MCAT: variants seen among roughly 807,000 people sequenced by gnomAD.
The protein encoded by MCAT is malonyl-CoA-acyl carrier protein transacylase, mitochondrial.
In MCAT, 22 loss-of-function variants were observed where a neutral mutation model predicts 22.9. The ratio of observed to expected loss-of-function variants is 0.96; its 90% CI spans 0.69 to 1.37. The LOEUF (loss-of-function observed/expected upper bound fraction) is 1.37. Ranked by LOEUF, MCAT falls within the 40% of genes most tolerant of loss-of-function variation. MCAT has a pLI of 0.00. For missense variants in MCAT, 534 were observed against 533.6 expected, an observed-to-expected ratio of 1.00 and a Z score of -0.01; for synonymous variants, 240 against 233.9, an observed-to-expected ratio of 1.03 and a Z score of -0.24.
At chr22:43,140,893 G>C (rs1476689575) in intron 2 of MCAT, 1 of 437,980 alleles carries the variant, frequency 2.3e-6, no homozygotes, top group Admixed American at 3.5e-5. Context: ...CGTGTTGCAG[G>C]TGCTGCAGGT....
chr22:43,142,659 G>T (rs1180275599), intron 1 of MCAT, among the ~76,000 whole-genome samples: 1 of 151,422 alleles, frequency 6.6e-6, no homozygotes, highest in South Asian at 2.1e-4. Context: ...GGTGGCGGGC[G>T]CCTGTAGTCC....
intron 3 of MCAT, among the ~76,000 whole-genome samples, chr22:43,134,620 C>T (rs1229517634): frequency 6.6e-6 from 1 of 152,194 alleles, no homozygotes; most frequent in Non-Finnish European, 1.5e-5. Flanking sequence ...AGAGACTGTT[C>T]CTGTTGCCTG....
At chr22:43,133,806 TC>T (rs1472972982) in intron 3 of MCAT, among the ~76,000 whole-genome samples, 1 of 147,504 alleles carries the variant, frequency 6.8e-6, no homozygotes, top group East Asian at 1.9e-4. Context: ...CAATGAGAAT[TC>T]TTTTTTTTTT....
At chr22:43,142,612 C>G (rs1930800364) in intron 1 of MCAT, among the ~76,000 whole-genome samples, 2 of 150,830 alleles carry the variant, frequency 1.3e-5, no homozygotes, top group East Asian at 2.0e-4. Flanking sequence ...CGATGAAACC[C>G]CGTCTCTACT....
rs375149955 is a variant in MCAT at position 43,141,657 on chromosome 22, C to T, written c.424-408G>A. Among the ~76,000 whole-genome samples the T allele has an allele frequency of 1.4e-4, 22 of 152,168 alleles. 1 individual carries two copies. The highest frequency in any genetic ancestry group is 4.3e-4 in the African/African-American group (18 of 41,524). The stretch of plus-strand genomic sequence containing the variant: ...CGTGATCTCGGCTCACTGCAACGTC[C>T]GCCTCCCGGGTTCAAGCAATTCTCC... On this transcript the variant is annotated intron_variant, in intron 1 of 3. Coordinates refer to ENST00000290429, the MANE Select transcript of MCAT (RefSeq NM_173467.5).
At position 43,137,215 on chromosome 22, in the gene MCAT, G is replaced by A. The variant is rs200424075; in HGVS notation, c.595C>T (p.Gln199Ter). ...VPSGMLSVLG[Q>*]PQSKFNFACL... is the part of the protein sequence containing the mutation. ...GCGAAGTTGAACTTGGACTGAGGCT[G>A]GCCGAGGACAGACAGCATCCCACTG... Residue 199 changes from glutamine (Q) to a stop codon, truncating the protein, a stop_gained, in exon 3 of 4, where the codon CAG (glutamine) becomes TAG (stop). Coordinates refer to ENST00000290429, the MANE Select transcript of MCAT (RefSeq NM_173467.5). LOFTEE classifies it high-confidence loss of function. 43 of 1,614,194 alleles carry A rather than the reference G, an allele frequency of 2.7e-5. No individual in the cohort carries two copies. Among genetic ancestry groups the A allele is most frequent in the Non-Finnish European group, 3.6e-5 (43 of 1,180,038 alleles).
rs1224254287 is a variant in MCAT, at chr22:43,132,596, G to A, written c.*447C>T. On this transcript the variant is annotated 3_prime_UTR_variant, in exon 4 of 4. Coordinates refer to ENST00000290429, the MANE Select transcript of MCAT (RefSeq NM_173467.5). ...GGGTTCTAAAACCTTTCAGATTTGTGACAAAGGAGCCCTGGGGGGCAGGCT... is the reference window on the plus strand; with the variant it reads ...GGGTTCTAAAACCTTTCAGATTTGTAACAAAGGAGCCCTGGGGGGCAGGCT... The A allele has an allele frequency of 5.8e-6, 1 of 171,462 alleles. No homozygotes were observed. The highest frequency in any genetic ancestry group is 1.5e-4 in the East Asian group (1 of 6,524). The allele number at this position is 171,462 out of a possible 1,614,324, so 10.6% of individuals were successfully genotyped here. A position where few individuals can be genotyped will look rare whatever the true frequency, so the allele number is the denominator to read the frequency against.
intron 2 of MCAT, 92 bp downstream of exon 2, chr22:43,141,070 C>T: frequency 2.1e-6 from 2 of 968,100 alleles, no homozygotes; most frequent in Non-Finnish European, 3.4e-6. Context: ...TTCCCATCAC[C>T]TGAGTGGGTC....
rs773912004 is a variant in MCAT, at chr22:43,133,049, CG to C, written c.1166del (p.Pro389ArgfsTer21). 4 of 1,613,040 alleles carry C rather than the reference CG, an allele frequency of 2.5e-6. No homozygotes were observed. The highest frequency in any genetic ancestry group is 3.4e-6 in the Non-Finnish European group (4 of 1,179,248). ...GCATTTGAGCCCCCTGCAGTCATCT[CG>C]GGGGCTCCTGAGGGTCCAGGTCCAC... is the stretch of plus-strand genomic sequence containing the variant. ...EHVDLDPQEP[P>X]R On this transcript the variant is annotated frameshift_variant, in exon 4 of 4. Coordinates refer to ENST00000290429, the MANE Select transcript of MCAT (RefSeq NM_173467.5). LOFTEE classifies it high-confidence loss of function.
At position 43,141,187 on chromosome 22, in the gene MCAT, A is replaced by C. The variant is rs747887904; in HGVS notation, c.486T>G (p.Phe162Leu). Reference protein sequence around the residue: ...FSVGEFAALVFAGAMEFAEGL... With the variant: ...FSVGEFAALVLAGAMEFAEGL... ...CTTCAGCAAATTCCATGGCTCCGGC[A>C]AACACTAGGGCTGCAAACTCTCCCA... Residue 162 changes from phenylalanine (F) to leucine (L), a missense_variant, in exon 2 of 4, where the codon TTT becomes TTG. Physicochemically the swap from Phe to Leu is conservative, Grantham distance 22 (BLOSUM62 0). Coordinates refer to ENST00000290429, the MANE Select transcript of MCAT (RefSeq NM_173467.5). 9 of 1,614,162 alleles carry C rather than the reference A, an allele frequency of 5.6e-6. No individual in the cohort carries two copies. Among genetic ancestry groups the C allele is most frequent in the Non-Finnish European group, 6.8e-6 (8 of 1,180,028 alleles).
intron 3 of MCAT, among the ~76,000 whole-genome samples, chr22:43,136,720 G>C (rs891826296): frequency 5.9e-5 from 9 of 152,368 alleles, no homozygotes; most frequent in African/African-American, 2.2e-4. Context: ...AGGGCAGGCA[G>C]AGCAATCTAG....
At position 43,137,270 on chromosome 22, in the gene MCAT, C is replaced by G. The variant is rs907179515; in HGVS notation, c.540G>C (p.Glu180Asp). The G allele has an allele frequency of 1.2e-6, 2 of 1,614,104 alleles. No homozygotes were observed. Among genetic ancestry groups the G allele is most frequent in the African/African-American group, 2.7e-5 (2 of 75,070 alleles). Residue 180 changes from glutamate (E) to aspartate (D), a missense_variant, in exon 3 of 4, where the codon GAG becomes GAC. Physicochemically the swap from Glu to Asp is conservative, Grantham distance 45 (BLOSUM62 2). Coordinates refer to ENST00000290429, the MANE Select transcript of MCAT (RefSeq NM_173467.5). The part of the protein sequence containing the change: ...EGLYAVKIRA[E>D]AMQEASEAVP... ...CAGCTTCTGAAGCTTCCTGCATGGCCTCAGCTCGGATTTTCACTGCATACA... is the reference window on the plus strand; with the variant it reads ...CAGCTTCTGAAGCTTCCTGCATGGCGTCAGCTCGGATTTTCACTGCATACA...
Position 43,132,795 on chromosome 22 carries a change from C to T in MCAT, c.*248G>A. ...AGGCGGGGCCAGGATTCTAGCTTCC[C>T]CACACACCAGCCCTGTGGCATCATT... On this transcript the variant is annotated 3_prime_UTR_variant, in exon 4 of 4. Coordinates refer to ENST00000290429, the MANE Select transcript of MCAT (RefSeq NM_173467.5). 3 of 515,548 alleles carry T rather than the reference C, an allele frequency of 5.8e-6. No homozygotes were observed. Among genetic ancestry groups the T allele is most frequent in the Non-Finnish European group, 1.1e-5 (3 of 285,328 alleles). The allele number at this position is 515,548 out of a possible 1,614,324, so 31.9% of individuals were successfully genotyped here.
At chr22:43,135,191 G>C (rs1417752649) in intron 3 of MCAT, among the ~76,000 whole-genome samples, 1 of 152,196 alleles carries the variant, frequency 6.6e-6, no homozygotes, top group Non-Finnish European at 1.5e-5. Context: ...TGAGCTCTTT[G>C]CTGTGGCACT....
chr22:43,134,802 C>A (rs1168697752), intron 3 of MCAT, among the ~76,000 whole-genome samples: 1 of 152,232 alleles, frequency 6.6e-6, no homozygotes, highest in East Asian at 1.9e-4. Context: ...TGGCTCCATC[C>A]CACTGAGGCT....
chr22:43,142,504 G>A (rs917099994), intron 1 of MCAT, among the ~76,000 whole-genome samples: 6 of 147,860 alleles, frequency 4.1e-5, no homozygotes, highest in African/African-American at 1.3e-4. Flanking sequence ...AAAACAAAAC[G>A]GGCCGGGCAC....
Position 43,137,228 on chromosome 22 carries a change from C to T in MCAT, c.582G>A (p.Leu194=), listed in dbSNP as rs773903738. The change falls in exon 3 of 4, where the codon CTG becomes CTA. Residue 194 remains leucine, a synonymous_variant. Coordinates refer to ENST00000290429, the MANE Select transcript of MCAT (RefSeq NM_173467.5). ...EASEAVPSGM[L]SVLGQPQSKF... Reference sequence around the variant, plus strand: ...TGGACTGAGGCTGGCCGAGGACAGACAGCATCCCACTGGGGACAGCTTCTG... The same window carrying T: ...TGGACTGAGGCTGGCCGAGGACAGATAGCATCCCACTGGGGACAGCTTCTG... 1.2e-6 allele frequency: 2 copies of T among 1,614,098 alleles called. No homozygotes were observed. The highest frequency in any genetic ancestry group is 2.7e-5 in the African/African-American group (2 of 74,950).
chr22:43,138,463 G>T (rs112648987), intron 2 of MCAT, among the ~76,000 whole-genome samples: 1 of 152,152 alleles, frequency 6.6e-6, no homozygotes, highest in East Asian at 1.9e-4. Flanking sequence ...AGGGCTGGTC[G>T]CTGTGGCTCG....
In MCAT at chr22:43,132,500, A is replaced by G. The variant is rs1301191645; in HGVS notation, c.*543T>C. On this transcript the variant is annotated 3_prime_UTR_variant, in exon 4 of 4. Transcript: ENST00000290429. ...AGCAGGCAATACATATCTCTTGGGT[A>G]TGTCCATAAATGTGGGCCTCTGTCT... is the stretch of plus-strand genomic sequence containing the variant. 1 of 163,444 alleles carries G rather than the reference A, an allele frequency of 6.1e-6. No homozygotes were observed. The highest frequency in any genetic ancestry group is 2.4e-5 in the African/African-American group (1 of 41,730). The allele number at this position is 163,444 out of a possible 1,614,324, so 10.1% of individuals were successfully genotyped here. A position where few individuals can be genotyped will look rare whatever the true frequency, so the allele number is the denominator to read the frequency against.
Sources: allele counts gnomAD v4.1 joint callset (sites outside exome capture counted in the v4.1 genomes callset), GRCh38; gene constraint gnomAD v4.1.1; transcripts MANE v1.5; gene names NCBI Gene and HGNC (gene_info 2026-07-23, HGNC 2026-07-21).